ABCA13: variants seen among roughly 807,000 people sequenced by gnomAD.
ABCA13 encodes ATP-binding cassette sub-family A member 13.
Under a neutral mutation model 478.7 loss-of-function variants are expected in ABCA13, and 476 were observed. That is an observed-to-expected ratio of 0.99 (90% confidence interval 0.92 to 1.07). ABCA13 has a LOEUF of 1.07. Among genes scored for constraint, ABCA13 ranks in the 50% least tolerant of loss-of-function variants. The pLI is 0.00. For missense variants in ABCA13, 6,060 were observed against 5,910.6 expected, an observed-to-expected ratio of 1.03 and a Z score of -0.83; for synonymous variants, 2,252 against 2,158.9, an observed-to-expected ratio of 1.04 and a Z score of -1.20.
At chr7:48,499,163 A>AT (rs1830520586) in intron 48 of ABCA13, among the ~76,000 whole-genome samples, 1 of 152,250 alleles carries the variant, frequency 6.6e-6, no homozygotes, top group African/African-American at 2.4e-5. Flanking sequence ...AGAAAAATAC[A>AT]TTTTTTCAGG....
intron 31 of ABCA13, among the ~76,000 whole-genome samples, chr7:48,362,164 A>G (rs1460044957): frequency 6.6e-6 from 1 of 151,178 alleles, no homozygotes; most frequent in Non-Finnish European, 1.5e-5. Flanking sequence ...GGATTTTTCT[A>G]TCCTTAATTT....
At chr7:48,237,279 A>G (rs60902279) in intron 8 of ABCA13, among the ~76,000 whole-genome samples, 25,675 of 151,982 alleles carry the variant, frequency 0.17, 2,657 homozygotes, top group African/African-American at 0.3. Flanking sequence ...GCTGATTATC[A>G]TTTAGCTACA....
At chr7:48,454,950 G>A in intron 42 of ABCA13, 87 bp from the exon 43 acceptor site, 1 of 1,413,632 alleles carries the variant, frequency 7.1e-7, no homozygotes, top group Non-Finnish European at 9.2e-7. Flanking sequence ...GCGAGATGCC[G>A]CAGGGTCACC....
chr7:48,383,515 C>T (rs1214518685), intron 35 of ABCA13, among the ~76,000 whole-genome samples: 1 of 152,126 alleles, frequency 6.6e-6, no homozygotes, highest in Admixed American at 6.5e-5. Context: ...GATTTCCTTG[C>T]GTACACTCAA....
In ABCA13 at chr7:48,639,644, A is replaced by G. The variant is rs532668856; in HGVS notation, c.14838-3644A>G. On this transcript the variant is annotated intron_variant, in intron 59 of 61. Coordinates refer to ENST00000435803, the MANE Select transcript of ABCA13 (RefSeq NM_152701.5). ...GCACATGTATGGGGTTGTGGATGTG[A>G]GTGTGAATAGACTCCTCGTGGGGCA... Among the ~76,000 whole-genome samples the G allele has an allele frequency of 3.9e-5, 6 of 152,250 alleles. No homozygotes were observed. The East Asian group carries it at 1.2e-3, about 29-fold the overall frequency.
At chr7:48,359,028 T>C (rs1810396768) in intron 31 of ABCA13, among the ~76,000 whole-genome samples, 2 of 152,018 alleles carry the variant, frequency 1.3e-5, no homozygotes, top group African/African-American at 4.8e-5. Context: ...CTTTGACACT[T>C]GCTGGTTCGC....
intron 39 of ABCA13, among the ~76,000 whole-genome samples, chr7:48,407,737 T>C (rs1276081429): frequency 2.0e-5 from 3 of 152,024 alleles, no homozygotes; most frequent in East Asian, 2.0e-4. Context: ...TTATATTTTT[T>C]AGTAGAGATG....
At chr7:48,327,670 T>TG (rs1353340870) in intron 27 of ABCA13, among the ~76,000 whole-genome samples, 5 of 152,226 alleles carry the variant, frequency 3.3e-5, no homozygotes, top group Non-Finnish European at 5.9e-5. Context: ...TGGCAGACTC[T>TG]GCAGCCAATT....
intron 41 of ABCA13, 47 bp downstream of exon 41, chr7:48,412,630 C>G: frequency 2.7e-6 from 4 of 1,503,558 alleles, no homozygotes; most frequent in Non-Finnish European, 3.6e-6. Flanking sequence ...GCCTTTTTGA[C>G]CAGTCCACAT....
chr7:48,306,444 G>T (rs555096108), intron 23 of ABCA13, among the ~76,000 whole-genome samples: 2 of 152,326 alleles, frequency 1.3e-5, no homozygotes, highest in South Asian at 2.1e-4. Flanking sequence ...TGAATTGGGG[G>T]TTTGGATGAG....
chr7:48,228,897 A>T (rs1788648473), intron 6 of ABCA13, among the ~76,000 whole-genome samples: 1 of 152,212 alleles, frequency 6.6e-6, no homozygotes, highest in Non-Finnish European at 1.5e-5. Context: ...AAATGAGAAG[A>T]TATTGATGAC....
chr7:48,219,312 C>T (rs1412114139), intron 3 of ABCA13, 42 bp from the exon 4 acceptor site: 1 of 1,556,780 alleles, frequency 6.4e-7, no homozygotes, highest in South Asian at 1.3e-5. Context: ...GAAACTTATT[C>T]TTGTTAAAGA....
At chr7:48,429,634 T>C (rs530531393) in intron 42 of ABCA13, among the ~76,000 whole-genome samples, 2 of 152,352 alleles carry the variant, frequency 1.3e-5, no homozygotes, top group East Asian at 3.9e-4. Context: ...GCAGATTTTA[T>C]TTCTAGAGCT....
chr7:48,290,369 T>C lies in ABCA13; in HGVS notation c.8955+2291T>C, dbSNP rs145267039. ...GCATTTCTTGATTCTAGGCCTGATG[T>C]AGCCGGAGAAGGAGAGTCTGATAGG... On this transcript the variant is annotated intron_variant, in intron 20 of 61. Transcript: ENST00000435803. Among the ~76,000 whole-genome samples, 287 of 152,300 alleles carry C rather than the reference T, an allele frequency of 1.9e-3. 1 individual carries two copies. Among genetic ancestry groups the C allele is most frequent in the African/African-American group, 6.4e-3 (267 of 41,566 alleles).
At chr7:48,262,974 A>G (rs1794393722) in intron 15 of ABCA13, among the ~76,000 whole-genome samples, 1 of 151,966 alleles carries the variant, frequency 6.6e-6, no homozygotes, top group Non-Finnish European at 1.5e-5. Context: ...ATACACAGAC[A>G]TGGGTAAGGT....
intron 3 of ABCA13, among the ~76,000 whole-genome samples, chr7:48,200,166 A>G (rs990596668): frequency 6.6e-6 from 1 of 152,070 alleles, no homozygotes; most frequent in Non-Finnish European, 1.5e-5. Flanking sequence ...GGAGTTCAAG[A>G]CCAGCCTGGC....
intron 42 of ABCA13, among the ~76,000 whole-genome samples, chr7:48,439,477 G>T (rs1302324969): frequency 6.6e-6 from 1 of 152,116 alleles, no homozygotes; most frequent in East Asian, 1.9e-4. Context: ...TAGGCAAAAT[G>T]CTAATAACCG....
intron 40 of ABCA13, among the ~76,000 whole-genome samples, chr7:48,411,319 C>CTTTTCTTTTCTTTTCTTTTCTTTTCTT (rs1296464576): frequency 1.0e-4 from 14 of 140,596 alleles, no homozygotes; most frequent in African/African-American, 3.2e-4. Flanking sequence ...CTTTTCTTTT[C>CTTTTCTTTTCTTTTCTTTTCTTTTCTT]TTTTCTTTCA....
intron 48 of ABCA13, among the ~76,000 whole-genome samples, chr7:48,492,059 A>G (rs1200009341): frequency 6.6e-6 from 1 of 152,144 alleles, no homozygotes; most frequent in Non-Finnish European, 1.5e-5. Context: ...ACACATTCTA[A>G]TATTAGAGAT....
Sources: gnomAD v4.1 joint callset for allele counts (sites outside exome capture counted in the v4.1 genomes callset) on GRCh38, gnomAD v4.1.1 for gene constraint, MANE v1.5 for transcripts, NCBI Gene and HGNC (gene_info 2026-07-23, HGNC 2026-07-21) for gene names.